The following LYPD8 variants were observed in gnomAD, a reference collection of about 807,000 sequenced individuals.
LYPD8 encodes the protein LY6/PLAUR domain containing 8, also known as ly6/PLAUR domain-containing protein 8.
In LYPD8, 8 loss-of-function variants were observed where a neutral mutation model predicts 1.7. That is an observed-to-expected ratio of 4.58 (90% CI 2.69 to 8.27). LYPD8 has a LOEUF of 8.27. Among genes scored for constraint, LYPD8 ranks in the 30% most tolerant of loss-of-function variants. The probability of loss-of-function intolerance (pLI) is 0.00; values close to 1 mark genes in which losing one functional copy is unlikely to be tolerated. For missense variants in LYPD8, 112 were observed against 102.3 expected (o/e 1.09, Z -0.41); for synonymous variants, 50 against 43.6 (o/e 1.15, Z -0.58).
chr1:248,753,273 A>C (rs1225659445), intron 2 of LYPD8, among the ~76,000 whole-genome samples: 1 of 92,188 alleles, frequency 1.1e-5, no homozygotes. Context: ...TCACACACAC[A>C]CCACACAACA....
intron 4 of LYPD8, among the ~76,000 whole-genome samples, chr1:248,750,207 C>A (rs1203245680): frequency 6.6e-6 from 1 of 152,196 alleles, no homozygotes; most frequent in Non-Finnish European, 1.5e-5. Context: ...GCATCCAGAG[C>A]AAATCCTCCT....
rs1662745700 is a variant in LYPD8, at chr1:248,748,355, C to T, written c.271G>A (p.Glu91Lys). The change falls in exon 5 of 7, where the codon GAA (glutamate) becomes AAA (lysine). Residue 91 changes from glutamate to lysine, a missense_variant. Glu to Lys is a moderately conservative substitution (Grantham distance 56). Transcript: ENST00000590317. ...TAFTVHVSAE[E>K]HFHFVSQCCQ... ...CACTGGCTTACAAAATGAAAGTGTTCTTCAGCAGACACGTGGACAGTGAAG... is the reference window on the plus strand; with the variant it reads ...CACTGGCTTACAAAATGAAAGTGTTTTTCAGCAGACACGTGGACAGTGAAG... The T allele has an allele frequency of 1.9e-5, 9 of 463,660 alleles. No individual in the cohort carries two copies. In the East Asian group the frequency reaches 3.2e-4, roughly 16 times the overall value. The allele number at this position is 463,660 out of a possible 1,614,324, so 28.7% of individuals were successfully genotyped here.
At chr1:248,742,598 GT>G (rs1198271259) in intron 6 of LYPD8, among the ~76,000 whole-genome samples, 4 of 80,754 alleles carry the variant, frequency 5.0e-5, no homozygotes, top group South Asian at 5.9e-4. Context: ...GATGTTGGCA[GT>G]CGGGGGAGAT....
Position 248,745,243 on chromosome 1 carries a change from C to A in LYPD8, c.374G>T (p.Cys125Phe), listed in dbSNP as rs961591140. 3 of 398,494 alleles carry A rather than the reference C, an allele frequency of 7.5e-6. No individual in the cohort carries two copies. Among genetic ancestry groups the A allele is most frequent in the African/African-American group, 6.2e-5 (3 of 48,616 alleles). 24.7% of individuals were successfully genotyped at this position (398,494 alleles called of 1,614,324 possible). The change falls in exon 6 of 7, where the codon TGC becomes TTC. Residue 125 changes from cysteine (C) to phenylalanine (F), a missense_variant. Physicochemically the swap from Cys to Phe is radical, Grantham distance 205 (BLOSUM62 -2). Transcript: ENST00000590317. Reference sequence around the variant, plus strand: ...TCCATTAGATTCATAACAAGCAGGGCACTCTGCGTTGCTGGACACGTTCTT... The same window carrying A: ...TCCATTAGATTCATAACAAGCAGGGAACTCTGCGTTGCTGGACACGTTCTT... ...PLKNVSSNAE[C>F]PACYESNGTS...
intron 6 of LYPD8, among the ~76,000 whole-genome samples, chr1:248,742,537 A>G (rs1354516156): frequency 2.9e-4 from 13 of 44,518 alleles, no homozygotes; most frequent in African/African-American, 6.5e-4. Flanking sequence ...CAGCGGGGAG[A>G]TTATGCTCTG....
At chr1:248,746,428 C>T (rs879006031) in intron 5 of LYPD8, among the ~76,000 whole-genome samples, 4 of 152,056 alleles carry the variant, frequency 2.6e-5, no homozygotes, top group South Asian at 2.1e-4. Flanking sequence ...GCTGTAAGTC[C>T]GATGTTAATG....
At chr1:248,740,675 A>C (rs1662576369) in intron 6 of LYPD8, among the ~76,000 whole-genome samples, 1 of 148,204 alleles carries the variant, frequency 6.7e-6, no homozygotes, top group South Asian at 2.1e-4. Flanking sequence ...GGCATGAAGC[A>C]GGGCCGCAAT....
At chr1:248,748,836 G>A (rs1662753696) in intron 4 of LYPD8, among the ~76,000 whole-genome samples, 1 of 152,138 alleles carries the variant, frequency 6.6e-6, no homozygotes, top group Non-Finnish European at 1.5e-5. Context: ...AATTGAACCT[G>A]AATCCAGTCA....
intron 2 of LYPD8, among the ~76,000 whole-genome samples, chr1:248,753,038 A>C (rs1210393356): frequency 5.5e-4 from 49 of 88,708 alleles, no homozygotes; most frequent in East Asian, 2.5e-3. Context: ...CCCACACACC[A>C]CACACACATC....
intron 6 of LYPD8, among the ~76,000 whole-genome samples, chr1:248,743,891 C>A (rs551664631): frequency 1.3e-5 from 2 of 152,320 alleles, no homozygotes; most frequent in South Asian, 4.1e-4. Context: ...GAGCGCATGG[C>A]CTGGACTCTG....
chr1:248,752,787 C>T (rs1662830307), intron 2 of LYPD8, among the ~76,000 whole-genome samples: 1 of 101,798 alleles, frequency 9.8e-6, no homozygotes, highest in East Asian at 3.4e-4. Context: ...ACACACACCA[C>T]ACACACACCA....
At chr1:248,742,180 G>A (rs913286280) in intron 6 of LYPD8, among the ~76,000 whole-genome samples, 2 of 151,342 alleles carry the variant, frequency 1.3e-5, no homozygotes, top group African/African-American at 4.9e-5. Context: ...GTTGGCAGCG[G>A]GGAGATTATG....
At chr1:248,753,466 A>AACAC (rs1662866381) in intron 2 of LYPD8, among the ~76,000 whole-genome samples, 1 of 113,050 alleles carries the variant, frequency 8.8e-6, no homozygotes, top group African/African-American at 3.5e-5. Flanking sequence ...CACCCCACAC[A>AACAC]ACACACCACA....
intron 6 of LYPD8, among the ~76,000 whole-genome samples, chr1:248,743,279 A>G (rs1662652684): frequency 1.3e-5 from 2 of 152,170 alleles, no homozygotes; most frequent in Non-Finnish European, 2.9e-5. Context: ...AGCCTGGCCA[A>G]CATGGCGAAA....
rs1211433540 is a variant in LYPD8, at chr1:248,752,278, A to C, written c.-49-1148T>G. Among the ~76,000 whole-genome samples, 3 of 151,960 alleles carry C rather than the reference A, an allele frequency of 2.0e-5. No individual in the cohort carries two copies. In the South Asian group the frequency reaches 6.2e-4, roughly 31 times the overall value. ...CCCAGTGGACAGTACTGTACGGCAG[A>C]GGCTATTAGCCCCACTCTACAGGTG... On this transcript the variant is annotated intron_variant, in intron 2 of 6. Transcript: ENST00000590317.
chr1:248,742,987 C>T (rs1395888278), intron 6 of LYPD8, among the ~76,000 whole-genome samples: 2 of 44,612 alleles, frequency 4.5e-5, no homozygotes, highest in South Asian at 8.6e-4. Flanking sequence ...TGTTGGCAGC[C>T]GGGGGAGGTT....
In LYPD8 at chr1:248,748,336, C is replaced by G. The variant is rs1662745121; in HGVS notation, c.290G>C (p.Ser97Thr). 3 of 467,350 alleles carry G rather than the reference C, an allele frequency of 6.4e-6. No homozygotes were observed. Among genetic ancestry groups the G allele is most frequent in the Non-Finnish European group, 7.5e-6 (2 of 267,950 alleles). 29.0% of individuals were successfully genotyped at this position (467,350 alleles called of 1,614,324 possible). ...GCATTCCTTTCCTTGGCAGCACTGG[C>G]TTACAAAATGAAAGTGTTCTTCAGC... is the stretch of plus-strand genomic sequence containing the variant. ...VSAEEHFHFVSQCCQGKECSN... is the reference protein window; with the variant it reads ...VSAEEHFHFVTQCCQGKECSN... The change falls in exon 5 of 7, where the codon AGC (serine) becomes ACC (threonine). Residue 97 changes from serine (S) to threonine (T), a missense_variant. Ser to Thr is a moderately conservative substitution (Grantham distance 58). Transcript: ENST00000590317.
intron 5 of LYPD8, among the ~76,000 whole-genome samples, chr1:248,746,020 TTTA>T (rs1662721581): frequency 6.6e-6 from 1 of 152,220 alleles, no homozygotes; most frequent in South Asian, 2.1e-4. Flanking sequence ...CCAGCTGTCT[TTTA>T]TTAAGTCAGA....
chr1:248,753,038 A>AGT (rs1662845129), intron 2 of LYPD8, among the ~76,000 whole-genome samples: 1 of 88,894 alleles, frequency 1.1e-5, no homozygotes, highest in African/African-American at 4.8e-5. Flanking sequence ...CCCACACACC[A>AGT]CACACACATC....
Sources: allele counts gnomAD v4.1 joint callset (sites outside exome capture counted in the v4.1 genomes callset), GRCh38; gene constraint gnomAD v4.1.1; transcripts MANE v1.5; gene names NCBI Gene and HGNC (gene_info 2026-07-23, HGNC 2026-07-21).